The following INPP5D variants were observed in gnomAD, a reference collection of about 807,000 sequenced individuals.
INPP5D encodes the protein inositol polyphosphate-5-phosphatase D, also known as phosphatidylinositol 3,4,5-trisphosphate 5-phosphatase 1.
INPP5D carries 33 observed loss-of-function variants against 122.9 expected under a neutral mutation model. That is an observed-to-expected ratio of 0.27 (90% CI 0.20 to 0.36). The LOEUF is 0.36. Among genes scored for constraint, INPP5D ranks in the 10% least tolerant of loss-of-function variants. The probability of loss-of-function intolerance (pLI) is 1.00; values close to 1 mark genes in which losing one functional copy is unlikely to be tolerated. For missense variants in INPP5D, 1,053 were observed against 1,412.7 expected (o/e 0.75, Z 4.08); for synonymous variants, 584 against 576.2 (o/e 1.01, Z -0.19).
At position 233,164,174 on chromosome 2, in the gene INPP5D, TC is replaced by T; in HGVS notation, c.1438-128del. On this transcript the variant is annotated intron_variant, in intron 12 of 26. Coordinates refer to ENST00000445964, the MANE Select transcript of INPP5D (RefSeq NM_001017915.3). This position sits in a 1 kb window ranked among gnomAD's most constrained non-coding sequence, Gnocchi z 4.3. Reference sequence around the variant, plus strand: ...CTCGCCTATCAAGCATCGCTGGGAGTCCCCCGAAGGGTTGGGATTACAGACA... The same window carrying T: ...CTCGCCTATCAAGCATCGCTGGGAGTCCCCGAAGGGTTGGGATTACAGACA... 5 of 1,427,432 alleles carry T rather than the reference TC, an allele frequency of 3.5e-6. No homozygotes were observed. The South Asian group carries it at 5.9e-5, about 17-fold the overall frequency. 88.4% of individuals were successfully genotyped at this position (1,427,432 alleles called of 1,614,324 possible). A position where few individuals can be genotyped will look rare whatever the true frequency, so the allele number is the denominator to read the frequency against.
chr2:233,153,026 C>T (rs1376484897), intron 9 of INPP5D, among the ~76,000 whole-genome samples: 4 of 152,076 alleles, frequency 2.6e-5, no homozygotes, highest in East Asian at 1.9e-4. Flanking sequence ...AAAAGGTGAA[C>T]GGGGTGGGAA....
intron 6 of INPP5D, chr2:233,140,390 AAAGGTGTCAT>A (rs1693608960): frequency 6.6e-6 from 1 of 152,580 alleles, no homozygotes; most frequent in Non-Finnish European, 1.5e-5. Flanking sequence ...CTGTGTAACA[AAAGGTGTCAT>A]CAATAAAGTT....
chr2:233,131,136 T>C lies in INPP5D; in HGVS notation c.665+488T>C, dbSNP rs1195634914. 7.1e-6 allele frequency: 7 copies of C among 979,348 alleles called. No individual in the cohort carries two copies. The African/African-American group carries it at 1.2e-4, about 17-fold the overall frequency. 60.7% of individuals were successfully genotyped at this position (979,348 alleles called of 1,614,324 possible). ...ATGATTCACCAAAACTTTAATTTTC[T>C]GATGTCCGATCCATTGAATGACCAA... On this transcript the variant is annotated intron_variant, in intron 5 of 26. Transcript: ENST00000445964.
intron 2 of INPP5D, among the ~76,000 whole-genome samples, chr2:233,111,988 T>C (rs1252209103): frequency 6.6e-6 from 1 of 150,430 alleles, no homozygotes; most frequent in East Asian, 2.0e-4. Context: ...CGCTGGAGCC[T>C]GTGAGGTTGA....
chr2:233,204,079 T>A, intron 25 of INPP5D, 47 bp from the exon 26 acceptor site: 1 of 1,457,232 alleles, frequency 6.9e-7, no homozygotes, highest in Non-Finnish European at 9.1e-7. Context: ...TGCTCCCATG[T>A]CTTCTCCCCT....
chr2:233,177,252 C>G lies in INPP5D; in HGVS notation c.1990-13C>G. 1 of 1,613,726 alleles carries G rather than the reference C, an allele frequency of 6.2e-7. No individual in the cohort carries two copies. The highest frequency in any genetic ancestry group is 8.5e-7 in the Non-Finnish European group (1 of 1,179,736). ...AAGAGGCATTTTTTAAAGCCTATGA[C>G]TTTGATTTGCAGATGAAGTACAACT... is the stretch of plus-strand genomic sequence containing the variant. On this transcript the variant is annotated splice_polypyrimidine_tract_variant and intron_variant, in intron 17 of 26. Transcript: ENST00000445964. The surrounding 1 kb of genome is among the most constrained non-coding windows in gnomAD (Gnocchi z 4.2).
intron 2 of INPP5D, among the ~76,000 whole-genome samples, chr2:233,110,820 G>A (rs1692603030): frequency 6.6e-6 from 1 of 152,060 alleles, no homozygotes; most frequent in Admixed American, 6.6e-5. Flanking sequence ...GGCTACTTGG[G>A]AAGCTGAGGT....
chr2:233,138,647 C>T (rs180757641), intron 5 of INPP5D, among the ~76,000 whole-genome samples: 90 of 152,066 alleles, frequency 5.9e-4, no homozygotes, highest in African/African-American at 2.1e-3. Flanking sequence ...GATCAAGAGC[C>T]GTAATCTCTG....
chr2:233,134,408 G>C (rs542455758), intron 5 of INPP5D, among the ~76,000 whole-genome samples: 71 of 152,038 alleles, frequency 4.7e-4, no homozygotes, highest in Non-Finnish European at 9.3e-4. Flanking sequence ...TGGAGAAGGA[G>C]GAGCTGGGAG....
intron 2 of INPP5D, among the ~76,000 whole-genome samples, chr2:233,090,730 G>A (rs1159090856): frequency 6.6e-6 from 1 of 152,146 alleles, no homozygotes; most frequent in African/African-American, 2.4e-5. Flanking sequence ...GGCCAAGGCA[G>A]GTGGATCACC....
At chr2:233,123,091 G>A (rs1224200700) in intron 3 of INPP5D, among the ~76,000 whole-genome samples, 1 of 152,162 alleles carries the variant, frequency 6.6e-6, no homozygotes, top group Non-Finnish European at 1.5e-5. Context: ...GAAGGATGAG[G>A]AAGGTGTTTC....
At chr2:233,067,804 A>G (rs1278054757) in intron 1 of INPP5D, among the ~76,000 whole-genome samples, 1 of 152,174 alleles carries the variant, frequency 6.6e-6, no homozygotes, top group Non-Finnish European at 1.5e-5. Context: ...GTCTTTTCTC[A>G]TGGTTAATGG....
intron 1 of INPP5D, among the ~76,000 whole-genome samples, chr2:233,070,579 T>C (rs1691351183): frequency 6.6e-6 from 1 of 152,090 alleles, no homozygotes; most frequent in Non-Finnish European, 1.5e-5. Flanking sequence ...GTAGCTGGGA[T>C]TACAGGCTCC....
At chr2:233,077,517 G>C (rs887980509) in intron 1 of INPP5D, among the ~76,000 whole-genome samples, 1 of 152,014 alleles carries the variant, frequency 6.6e-6, no homozygotes, top group African/African-American at 2.4e-5. Context: ...AAATTAGCTG[G>C]GTGTGGTGGC....
intron 2 of INPP5D, among the ~76,000 whole-genome samples, chr2:233,106,067 A>G (rs1692460843): frequency 6.6e-6 from 1 of 152,208 alleles, no homozygotes. Flanking sequence ...GGGTTAATGA[A>G]GATAAGTATG....
rs574094496 is a variant in INPP5D at position 233,133,176 on chromosome 2, G to C, written c.665+2528G>C. 4.6e-5 allele frequency among the ~76,000 whole-genome samples: 7 copies of C among 152,256 alleles called. No individual in the cohort carries two copies. In the South Asian group the frequency reaches 1.5e-3, roughly 32 times the overall value. ...TCCAATTCCTAGGCTCAAGCAATCT[G>C]CCTTCCTCGGCCCCCCAAAGTGCTG... On this transcript the variant is annotated intron_variant, in intron 5 of 26. Transcript: ENST00000445964.
chr2:233,180,939 G>A (rs1382745995), intron 18 of INPP5D, among the ~76,000 whole-genome samples: 1 of 152,366 alleles, frequency 6.6e-6, no homozygotes, highest in South Asian at 2.1e-4. Context: ...CTCCCAAAGT[G>A]CTGGGATTAC....
intron 10 of INPP5D, among the ~76,000 whole-genome samples, chr2:233,159,067 C>T (rs1272461406): frequency 6.6e-6 from 1 of 152,140 alleles, no homozygotes; most frequent in Non-Finnish European, 1.5e-5. Flanking sequence ...TAGGTGTGAG[C>T]CACCCCTGGA....
At chr2:233,130,878 T>C (rs928727238) in intron 5 of INPP5D, 5 of 677,516 alleles carry the variant, frequency 7.4e-6, no homozygotes, top group Non-Finnish European at 1.3e-5. Flanking sequence ...CTAAAGTTAA[T>C]TGGAGGCCAG....
Sources: allele counts gnomAD v4.1 joint callset (sites outside exome capture counted in the v4.1 genomes callset), GRCh38; gene constraint gnomAD v4.1.1; non-coding constraint Gnocchi (gnomAD v3.1); transcripts MANE v1.5; gene names NCBI Gene and HGNC (gene_info 2026-07-23, HGNC 2026-07-21).